NCAM2: variants seen among roughly 807,000 people sequenced by gnomAD.
The protein encoded by NCAM2 is neural cell adhesion molecule 2.
A neutral mutation model predicts 98.1 loss-of-function variants in NCAM2; 30 were observed. That is an observed-to-expected ratio of 0.31 (90% CI 0.23 to 0.41). The LOEUF is 0.41. Among genes scored for constraint, NCAM2 ranks in the 10% least tolerant of loss-of-function variants. The pLI, the probability that NCAM2 is intolerant of heterozygous loss-of-function variation, is 1.00. For synonymous variants in NCAM2, 368 were observed against 342.4 expected (o/e 1.07, Z -0.83); for missense variants, 867 against 1,005.8 (o/e 0.86, Z 1.87).
chr21:21,325,608 G>A (rs771336266), intron 6 of NCAM2, among the ~76,000 whole-genome samples: 22 of 152,044 alleles, frequency 1.4e-4, no homozygotes, highest in Non-Finnish European at 3.1e-4. Context: ...CTGTCTCAGT[G>A]ACTGCTGATT....
chr21:21,347,883 G>A (rs548515781), intron 8 of NCAM2, among the ~76,000 whole-genome samples: 1 of 152,122 alleles, frequency 6.6e-6, no homozygotes, highest in African/African-American at 2.4e-5. Context: ...TTCATTTGAT[G>A]CTGAAAGAGC....
At chr21:21,456,454 G>A (rs1464278920) in intron 12 of NCAM2, among the ~76,000 whole-genome samples, 1 of 152,064 alleles carries the variant, frequency 6.6e-6, no homozygotes, top group Non-Finnish European at 1.5e-5. Context: ...CAATTCATGA[G>A]GATAATCAGC....
chr21:21,304,685 A>G (rs1443373738), intron 5 of NCAM2, among the ~76,000 whole-genome samples: 1 of 152,094 alleles, frequency 6.6e-6, no homozygotes, highest in Admixed American at 6.6e-5. Context: ...CATAACTTTG[A>G]TTAGAATTGT....
At chr21:21,364,542 A>T (rs2075735533) in intron 8 of NCAM2, among the ~76,000 whole-genome samples, 1 of 152,022 alleles carries the variant, frequency 6.6e-6, no homozygotes, top group Admixed American at 6.6e-5. Flanking sequence ...GTATGTTAAC[A>T]TGTATTTAGC....
intron 1 of NCAM2, among the ~76,000 whole-genome samples, chr21:21,161,171 A>G (rs945850990): frequency 6.6e-6 from 1 of 152,022 alleles, no homozygotes; most frequent in African/African-American, 2.4e-5. Context: ...ACACATGAAT[A>G]TTATTTGCGA....
intron 1 of NCAM2, among the ~76,000 whole-genome samples, chr21:21,081,218 A>G (rs1164566957): frequency 2.6e-5 from 4 of 152,104 alleles, no homozygotes; most frequent in Admixed American, 2.0e-4. Flanking sequence ...GTCATTTACC[A>G]GTTAAATTCT....
chr21:21,113,192 G>A (rs1297697354), intron 1 of NCAM2, among the ~76,000 whole-genome samples: 1 of 152,136 alleles, frequency 6.6e-6, no homozygotes, highest in Admixed American at 6.5e-5. Context: ...TCACACAGTA[G>A]GTGCGATTTT....
At chr21:21,391,635 C>A (rs2076382269) in intron 9 of NCAM2, among the ~76,000 whole-genome samples, 2 of 152,070 alleles carry the variant, frequency 1.3e-5, no homozygotes, top group Admixed American at 1.3e-4. Context: ...TACAGCTCAC[C>A]AACACTAACA....
At chr21:21,346,371 A>C (rs1596571) in intron 8 of NCAM2, among the ~76,000 whole-genome samples, 98,829 of 151,926 alleles carry the variant, frequency 0.65, 32,891 homozygotes, top group African/African-American at 0.77. Flanking sequence ...AACATGGGAG[A>C]ACCCAGATAC....
intron 1 of NCAM2, among the ~76,000 whole-genome samples, chr21:21,085,200 G>GTT (rs1569006510): frequency 1.6e-5 from 2 of 125,170 alleles, no homozygotes; most frequent in African/African-American, 7.8e-5. Context: ...GTCTAGTTGG[G>GTT]GTTTTTTTTT....
At chr21:21,039,367 T>C (rs1796234052) in intron 1 of NCAM2, among the ~76,000 whole-genome samples, 1 of 152,352 alleles carries the variant, frequency 6.6e-6, no homozygotes, top group East Asian at 1.9e-4. Flanking sequence ...GAATAAGTTC[T>C]AATGTTCAGT....
chr21:21,473,534 A>T (rs1020467659), intron 14 of NCAM2, among the ~76,000 whole-genome samples: 18 of 151,468 alleles, frequency 1.2e-4, no homozygotes, highest in African/African-American at 4.4e-4. Context: ...AGGAACCGGG[A>T]ACTGCTTTAT....
chr21:21,528,450 G>C (rs1270872714), intron 16 of NCAM2, among the ~76,000 whole-genome samples: 2 of 152,044 alleles, frequency 1.3e-5, no homozygotes, highest in Non-Finnish European at 2.9e-5. Flanking sequence ...GTGGGAGCAG[G>C]GGATACGTGG....
At chr21:21,302,195 A>G (rs1020060098) in intron 5 of NCAM2, among the ~76,000 whole-genome samples, 6 of 151,820 alleles carry the variant, frequency 4.0e-5, no homozygotes, top group Admixed American at 6.6e-5. Flanking sequence ...CACAATAGCA[A>G]AGACTTGGAA....
At chr21:21,443,331 G>A (rs1047329651) in intron 12 of NCAM2, among the ~76,000 whole-genome samples, 5 of 152,080 alleles carry the variant, frequency 3.3e-5, no homozygotes, top group Non-Finnish European at 4.4e-5. Context: ...TGTAAATGAC[G>A]AGTTGATGGG....
rs1294180132 is a variant in NCAM2 at position 21,292,044 on chromosome 21, G to A, written c.482-60G>A. 10 of 1,502,016 alleles carry A rather than the reference G, an allele frequency of 6.7e-6. No homozygotes were observed. The African/African-American group carries it at 7.0e-5, about 11-fold the overall frequency. The allele number at this position is 1,502,016 out of a possible 1,614,324, so 93.0% of individuals were successfully genotyped here. On this transcript the variant is annotated intron_variant, in intron 4 of 17. Coordinates refer to ENST00000400546, the MANE Select transcript of NCAM2 (RefSeq NM_004540.5). ...ATATTTTAACTCTTAACAATTTAGAGCACTCTGGACTTAGCCTTCAATTAC... is the reference window on the plus strand; with the variant it reads ...ATATTTTAACTCTTAACAATTTAGAACACTCTGGACTTAGCCTTCAATTAC...
intron 1 of NCAM2, among the ~76,000 whole-genome samples, chr21:21,236,759 T>TGTGC (rs2070845851): frequency 3.5e-5 from 1 of 28,906 alleles, no homozygotes; most frequent in Non-Finnish European, 8.3e-5. Flanking sequence ...AGTACATATG[T>TGTGC]GTGTGTGTGT....
chr21:21,497,817 C>T (rs903214901), intron 15 of NCAM2, among the ~76,000 whole-genome samples: 10 of 152,186 alleles, frequency 6.6e-5, no homozygotes, highest in African/African-American at 2.2e-4. Context: ...TACATTAAAA[C>T]GACCTTATTG....
intron 1 of NCAM2, among the ~76,000 whole-genome samples, chr21:21,067,251 A>G (rs574168143): frequency 1.8e-4 from 27 of 152,160 alleles, no homozygotes; most frequent in African/African-American, 5.8e-4. Flanking sequence ...TATTACTTCA[A>G]TTAAAAATGC....
Sources: gnomAD v4.1 joint callset for allele counts (sites outside exome capture counted in the v4.1 genomes callset) on GRCh38, gnomAD v4.1.1 for gene constraint, MANE v1.5 for transcripts, NCBI Gene and HGNC (gene_info 2026-07-23, HGNC 2026-07-21) for gene names.